Variants in ATP6V1E2 observed in about 807,000 individuals in gnomAD.
ATP6V1E2 encodes the protein V-type proton ATPase subunit E 2.
For synonymous variants in ATP6V1E2, 121 were observed against 104.2 expected, an observed-to-expected ratio of 1.16 and a Z score of -0.98; for missense variants, 308 against 273.3, an observed-to-expected ratio of 1.13 and a Z score of -0.90.
Position 46,530,863 on chromosome 2 carries a change from C to T in ATP6V1E2, c.-102+4950G>A, listed in dbSNP as rs753854891. ...AGATCTCATGAGACTTATTCACTAGCGCAAGAACAGCACAGGAAAAACCCA... is the reference window on the plus strand; with the variant it reads ...AGATCTCATGAGACTTATTCACTAGTGCAAGAACAGCACAGGAAAAACCCA... On this transcript the variant is annotated intron_variant, in intron 4 of 4. Coordinates refer to ENST00000522587, the MANE Select transcript of ATP6V1E2 (RefSeq NM_001318063.2). The surrounding 1 kb of genome is among the most constrained non-coding windows in gnomAD (Gnocchi z 5.2). Among the ~76,000 whole-genome samples the T allele has an allele frequency of 3.3e-5, 5 of 152,148 alleles. No homozygotes were observed. Among genetic ancestry groups the T allele is most frequent in the Non-Finnish European group, 7.4e-5 (5 of 68,024 alleles).
chr2:46,523,278 G>A (rs1384757499), intron 4 of ATP6V1E2, among the ~76,000 whole-genome samples: 1 of 152,108 alleles, frequency 6.6e-6, no homozygotes, highest in Non-Finnish European at 1.5e-5. Flanking sequence ...TGTTGCAATT[G>A]CTTTTGGCAT....
At chr2:46,538,868 C>A (rs1403464568) in intron 2 of ATP6V1E2, among the ~76,000 whole-genome samples, 5 of 152,076 alleles carry the variant, frequency 3.3e-5, no homozygotes, top group Admixed American at 2.6e-4. Context: ...TCTTGGGAGG[C>A]TGAGGTGAGA....
intron 4 of ATP6V1E2, among the ~76,000 whole-genome samples, chr2:46,514,621 G>C (rs1425227355): frequency 1.3e-5 from 2 of 152,044 alleles, no homozygotes; most frequent in East Asian, 3.9e-4. Flanking sequence ...AAAAAGAAAA[G>C]AAGAATGAGA....
intron 4 of ATP6V1E2, chr2:46,534,927 T>G (rs570524573): frequency 6.6e-6 from 1 of 152,244 alleles, no homozygotes; most frequent in South Asian, 2.1e-4. Context: ...TTTCACCTTA[T>G]GCATGTGCAG....
At chr2:46,522,213 G>T (rs889871037) in intron 4 of ATP6V1E2, among the ~76,000 whole-genome samples, 3 of 151,478 alleles carry the variant, frequency 2.0e-5, no homozygotes, top group Non-Finnish European at 4.4e-5. Flanking sequence ...TTGCTTGAGA[G>T]GTCGAGGTTG....
intron 4 of ATP6V1E2, among the ~76,000 whole-genome samples, chr2:46,527,692 T>C (rs1666991692): frequency 6.6e-6 from 1 of 152,190 alleles, no homozygotes; most frequent in African/African-American, 2.4e-5. Context: ...TGTTGTTTTT[T>C]GTTTTTAAAT....
At chr2:46,523,459 G>T (rs1386274517) in intron 4 of ATP6V1E2, among the ~76,000 whole-genome samples, 1 of 152,192 alleles carries the variant, frequency 6.6e-6, no homozygotes, top group Admixed American at 6.5e-5. Flanking sequence ...CATATGGCTA[G>T]TCAGTTTTCC....
At chr2:46,518,699 A>T (rs932359000) in intron 4 of ATP6V1E2, among the ~76,000 whole-genome samples, 1 of 151,704 alleles carries the variant, frequency 6.6e-6, no homozygotes, top group South Asian at 2.1e-4. Context: ...TTTAAAAAAA[A>T]CCTGCATTTT....
At chr2:46,520,781 A>G (rs1189689770) in intron 4 of ATP6V1E2, among the ~76,000 whole-genome samples, 1 of 152,066 alleles carries the variant, frequency 6.6e-6, no homozygotes, top group Non-Finnish European at 1.5e-5. Context: ...CTTCCCTAGC[A>G]GGGGCTGGGT....
At chr2:46,516,935 C>G (rs1030251021) in intron 4 of ATP6V1E2, among the ~76,000 whole-genome samples, 14 of 152,248 alleles carry the variant, frequency 9.2e-5, no homozygotes, top group Admixed American at 6.5e-4. Flanking sequence ...TCTGTGCAAT[C>G]CCTATCAAAA....
In ATP6V1E2 at chr2:46,538,953, A is replaced by G. The variant is rs573359782; in HGVS notation, c.-309-2250T>C. Among the ~76,000 whole-genome samples, 3 of 152,240 alleles carry G rather than the reference A, an allele frequency of 2.0e-5. No individual in the cohort carries two copies. The South Asian group carries it at 6.2e-4, about 32-fold the overall frequency. On this transcript the variant is annotated intron_variant, in intron 2 of 4. Coordinates refer to ENST00000522587, the MANE Select transcript of ATP6V1E2 (RefSeq NM_001318063.2). The stretch of plus-strand genomic sequence containing the variant: ...CACTGCATTCCAGCCTGGGTGACAG[A>G]GTGAGACTCTGTCTCAAAAACACAC...
At chr2:46,526,841 G>T (rs1410983948) in intron 4 of ATP6V1E2, among the ~76,000 whole-genome samples, 2 of 152,164 alleles carry the variant, frequency 1.3e-5, no homozygotes, top group African/African-American at 4.8e-5. Flanking sequence ...ATGAACATGG[G>T]TATATAAATA....
At chr2:46,517,919 A>G (rs137901060) in intron 4 of ATP6V1E2, among the ~76,000 whole-genome samples, 13 of 152,364 alleles carry the variant, frequency 8.5e-5, no homozygotes, top group African/African-American at 3.1e-4. Context: ...GGAATGTAAA[A>G]TGATGCAGCT....
chr2:46,526,614 C>G (rs1033018273), intron 4 of ATP6V1E2, among the ~76,000 whole-genome samples: 1 of 152,190 alleles, frequency 6.6e-6, no homozygotes, highest in African/African-American at 2.4e-5. Context: ...CTCCAGGTAC[C>G]TCATATAAAT....
At chr2:46,520,226 C>T (rs1234417049) in intron 4 of ATP6V1E2, among the ~76,000 whole-genome samples, 1 of 152,214 alleles carries the variant, frequency 6.6e-6, no homozygotes, top group African/African-American at 2.4e-5. Flanking sequence ...TGAGCAAGTC[C>T]CTCTGCAGGA....
chr2:46,520,385 C>A (rs1009754176), intron 4 of ATP6V1E2, among the ~76,000 whole-genome samples: 2 of 152,244 alleles, frequency 1.3e-5, no homozygotes, highest in Non-Finnish European at 2.9e-5. Context: ...TATACGAGGG[C>A]TCAGACACTT....
In ATP6V1E2 at chr2:46,512,349, G is replaced by A. The variant is rs149435963; in HGVS notation, c.363C>T (p.Leu121=). Residue 121 remains leucine (L), a synonymous_variant, in exon 5 of 5, where the codon CTC becomes CTT. Coordinates refer to ENST00000522587, the MANE Select transcript of ATP6V1E2 (RefSeq NM_001318063.2). ...VYQGLLDKLV[L]QGLLRLLEPV... ...GTTCCAGCAGTCGGAGCAGACCCTGGAGCACCAGTTTATCCAGCAGCCCCT... is the reference window on the plus strand; with the variant it reads ...GTTCCAGCAGTCGGAGCAGACCCTGAAGCACCAGTTTATCCAGCAGCCCCT... 258 of 1,613,916 alleles carry A rather than the reference G, an allele frequency of 1.6e-4. No individual in the cohort carries two copies. In the African/African-American group the frequency reaches 2.9e-3, roughly 18 times the overall value.
intron 4 of ATP6V1E2, chr2:46,519,766 A>G (rs1460270556): frequency 6.6e-6 from 1 of 152,386 alleles, no homozygotes; most frequent in African/African-American, 2.4e-5. Context: ...TATTATTATC[A>G]TCATGACCAC....
In ATP6V1E2 at chr2:46,541,465, G is replaced by C. The variant is rs1332130927; in HGVS notation, c.-373-12C>G. 1 of 152,230 alleles carries C rather than the reference G, an allele frequency of 6.6e-6. No individual in the cohort carries two copies. The highest frequency in any genetic ancestry group is 1.5e-5 in the Non-Finnish European group (1 of 68,066). The allele number at this position is 152,230 out of a possible 1,614,324, so 9.4% of individuals were successfully genotyped here. The stretch of plus-strand genomic sequence containing the variant: ...AGAGTTCAGGCCTCCTGGATAGTGA[G>C]GAACGGGAATACAACAGTGAGCATT... On this transcript the variant is annotated splice_polypyrimidine_tract_variant and intron_variant, in intron 1 of 4. Transcript: ENST00000522587.
Sources: gnomAD v4.1 joint callset for allele counts (sites outside exome capture counted in the v4.1 genomes callset) on GRCh38, gnomAD v4.1.1 for gene constraint, Gnocchi (gnomAD v3.1) non-coding constraint, MANE v1.5 for transcripts, NCBI Gene and HGNC (gene_info 2026-07-23, HGNC 2026-07-21) for gene names.